COG3: variants seen among roughly 807,000 people sequenced by gnomAD.
COG3 encodes the protein component of oligomeric golgi complex 3.
A neutral mutation model predicts 114.1 loss-of-function variants in COG3; 32 were observed. The observed-to-expected ratio is 0.28, with a 90% CI of 0.21 to 0.38. The LOEUF is 0.38. COG3 is among the 10% of genes least tolerant of loss of function. The pLI is 1.00. For missense variants in COG3, 813 were observed against 973.2 expected (o/e 0.84, Z 2.19); for synonymous variants, 352 against 365.7 (o/e 0.96, Z 0.43).
chr13:45,515,600 G>C (rs1871456247), intron 16 of COG3, among the ~76,000 whole-genome samples: 1 of 152,190 alleles, frequency 6.6e-6, no homozygotes, highest in African/African-American at 2.4e-5. Flanking sequence ...GGACCTTCAG[G>C]GATGTGGGTA....
intron 19 of COG3, among the ~76,000 whole-genome samples, chr13:45,524,039 T>C (rs1872439980): frequency 6.6e-6 from 1 of 152,060 alleles, no homozygotes; most frequent in African/African-American, 2.4e-5. Flanking sequence ...CCTAGAGTGG[T>C]CCAGGAGGAG....
intron 20 of COG3, among the ~76,000 whole-genome samples, chr13:45,528,053 G>C (rs1872843619): frequency 6.6e-6 from 1 of 152,162 alleles, no homozygotes; most frequent in Middle Eastern, 3.4e-3. Flanking sequence ...AACACACCCA[G>C]GCCCAGGAAT....
intron 1 of COG3, among the ~76,000 whole-genome samples, chr13:45,471,974 C>T (rs750892038): frequency 6.6e-6 from 1 of 152,172 alleles, no homozygotes; most frequent in Non-Finnish European, 1.5e-5. Context: ...CTCAGGTGAT[C>T]CACCTGCCTC....
At chr13:45,512,576 G>A (rs1425440851) in intron 16 of COG3, among the ~76,000 whole-genome samples, 1 of 149,684 alleles carries the variant, frequency 6.7e-6, no homozygotes, top group Non-Finnish European at 1.5e-5. Flanking sequence ...CAAGTGATTT[G>A]CCCACCTTGG....
intron 8 of COG3, 113 bp from the exon 9 acceptor site, chr13:45,490,802 C>T (rs1016404993): frequency 2.0e-6 from 1 of 502,956 alleles, no homozygotes; most frequent in Non-Finnish European, 3.4e-6. Context: ...TGATTTTTAA[C>T]TTTCTTATAT....
chr13:45,474,906 T>C (rs1239847205), intron 1 of COG3, among the ~76,000 whole-genome samples: 3 of 151,660 alleles, frequency 2.0e-5, no homozygotes, highest in Non-Finnish European at 2.9e-5. Flanking sequence ...CCCTTTTACT[T>C]TCCCCAGCAT....
chr13:45,525,945 G>A (rs969176581), intron 20 of COG3, among the ~76,000 whole-genome samples: 5 of 151,462 alleles, frequency 3.3e-5, no homozygotes, highest in African/African-American at 4.9e-5. Context: ...AAATTGGCAT[G>A]CACAGTCACC....
chr13:45,513,082 G>A (rs1871054036), intron 16 of COG3, among the ~76,000 whole-genome samples: 3 of 150,942 alleles, frequency 2.0e-5, no homozygotes, highest in Non-Finnish European at 2.9e-5. Context: ...GGAAGGAGCT[G>A]TGGGAGCTGT....
intron 16 of COG3, among the ~76,000 whole-genome samples, chr13:45,513,653 A>C (rs930889279): frequency 6.6e-6 from 1 of 150,698 alleles, no homozygotes. Context: ...TGACCACTAT[A>C]TTTTTCTCAT....
chr13:45,483,095 G>A (rs1311159057), intron 6 of COG3, 135 bp from the exon 7 acceptor site: 3 of 567,214 alleles, frequency 5.3e-6, no homozygotes, highest in South Asian at 4.7e-5. Flanking sequence ...CATCTTCATG[G>A]AGTTTATGAT....
rs116852124 is a variant in COG3, at chr13:45,500,933, C to T, written c.1489-2311C>T. ...AGTATTTCAAGCTTTTTATACAATG[C>T]CCCTTTGTTGGAATTCGTCTGATGT... On this transcript the variant is annotated intron_variant, in intron 13 of 22. Coordinates refer to ENST00000349995, the MANE Select transcript of COG3 (RefSeq NM_031431.4). 5.3e-3 allele frequency among the ~76,000 whole-genome samples: 809 copies of T among 152,252 alleles called. 4 individuals are homozygous for T. The highest frequency in any genetic ancestry group is 0.02 in the Middle Eastern group (6 of 294).
At chr13:45,480,353 G>GT in intron 4 of COG3, 63 bp downstream of exon 4, 1 of 1,133,258 alleles carries the variant, frequency 8.8e-7, no homozygotes, top group Non-Finnish European at 1.2e-6. Flanking sequence ...GATGAATACA[G>GT]TTTTATTTTA....
rs766547013 is a variant in COG3 at position 45,492,144 on chromosome 13, G to T, written c.1096-15G>T. The stretch of plus-strand genomic sequence containing the variant: ...GTGTCTTTAACTGTAGGTGGTGTGT[G>T]TTTGTTTACTGCAGGTTCGTAGTGG... On this transcript the variant is annotated splice_polypyrimidine_tract_variant and intron_variant, in intron 10 of 22. Coordinates refer to ENST00000349995, the MANE Select transcript of COG3 (RefSeq NM_031431.4). The T allele has an allele frequency of 6.5e-7, 1 of 1,539,944 alleles. No individual in the cohort carries two copies. Among genetic ancestry groups the T allele is most frequent in the African/African-American group, 1.4e-5 (1 of 72,676 alleles).
At chr13:45,496,804 G>A (rs1193002350) in intron 13 of COG3, among the ~76,000 whole-genome samples, 3 of 151,984 alleles carry the variant, frequency 2.0e-5, no homozygotes, top group Non-Finnish European at 4.4e-5. Flanking sequence ...CTCCCGAGAA[G>A]CTGGGACTAC....
At chr13:45,510,496 A>C (rs1870741028) in intron 15 of COG3, among the ~76,000 whole-genome samples, 1 of 152,202 alleles carries the variant, frequency 6.6e-6, no homozygotes, top group Admixed American at 6.5e-5. Context: ...AGGTTTATTG[A>C]ATAATGATAT....
Position 45,505,167 on chromosome 13 carries a change from A to G in COG3, c.1594+1818A>G, listed in dbSNP as rs181521645. ...GTGCCACTGTACTCCAGCCTGGGCGACAGAGTGAGACTCCATCTCAGAAAA... is the reference window on the plus strand; with the variant it reads ...GTGCCACTGTACTCCAGCCTGGGCGGCAGAGTGAGACTCCATCTCAGAAAA... On this transcript the variant is annotated intron_variant, in intron 14 of 22. Coordinates refer to ENST00000349995, the MANE Select transcript of COG3 (RefSeq NM_031431.4). Among the ~76,000 whole-genome samples the G allele has an allele frequency of 1.8e-3, 274 of 151,818 alleles. 3 individuals are homozygous for G. In the South Asian group the frequency reaches 0.025, roughly 14 times the overall value.
chr13:45,504,765 T>C (rs1301978986), intron 14 of COG3, among the ~76,000 whole-genome samples: 2 of 152,148 alleles, frequency 1.3e-5, no homozygotes, highest in Non-Finnish European at 2.9e-5. Context: ...TACTGTCCAA[T>C]ATGGTAGCCA....
At chr13:45,515,512 T>C (rs550191397) in intron 16 of COG3, among the ~76,000 whole-genome samples, 50 of 152,276 alleles carry the variant, frequency 3.3e-4, no homozygotes, top group African/African-American at 1.2e-3. Flanking sequence ...TATTTGAGGA[T>C]TGGGTCAGAG....
intron 20 of COG3, among the ~76,000 whole-genome samples, chr13:45,526,644 C>T (rs539764853): frequency 1.2e-4 from 19 of 152,268 alleles, no homozygotes; most frequent in South Asian, 6.2e-4. Context: ...AGACAAGGAA[C>T]GTTCTATTGT....
Sources: allele counts gnomAD v4.1 joint callset (sites outside exome capture counted in the v4.1 genomes callset), GRCh38; gene constraint gnomAD v4.1.1; transcripts MANE v1.5; gene names NCBI Gene and HGNC (gene_info 2026-07-23, HGNC 2026-07-21).